The following USP54 variants were observed in gnomAD, a reference collection of about 807,000 sequenced individuals.
USP54 encodes ubiquitin carboxyl-terminal hydrolase 54.
In USP54, 87 loss-of-function variants were observed where a neutral mutation model predicts 170.5. The ratio of observed to expected loss-of-function variants is 0.51; its 90% CI spans 0.43 to 0.61. The LOEUF is 0.61. USP54 is among the 20% of genes least tolerant of loss of function. USP54 has a pLI of 0.00. For missense variants in USP54, 1,786 were observed against 2,047.8 expected, an observed-to-expected ratio of 0.87 and a Z score of 2.47; for synonymous variants, 655 against 742.8, an observed-to-expected ratio of 0.88 and a Z score of 1.92.
chr10:73,507,681 A>AG, intron 20 of USP54, among the ~76,000 whole-genome samples: 1 of 149,838 alleles, frequency 6.7e-6, no homozygotes, highest in East Asian at 1.9e-4. Context: ...AAAAAAAAAA[A>AG]AAAAAAAAAA....
At position 73,530,729 on chromosome 10, in the gene USP54, G is replaced by C; in HGVS notation, c.1422C>G (p.Pro474=). 2.5e-6 allele frequency: 4 copies of C among 1,614,140 alleles called. No homozygotes were observed. The highest frequency in any genetic ancestry group is 2.5e-6 in the Non-Finnish European group (3 of 1,180,020). Reference sequence around the variant, plus strand: ...CTTCACTGTGGTATCCCGAGGCCTGGGGCTCATCGCCTTTCCTCCTAACCC... The same window carrying C: ...CTTCACTGTGGTATCCCGAGGCCTGCGGCTCATCGCCTTTCCTCCTAACCC... ...SGRVRRKGDE[P]QASGYHSEGE... The change falls in exon 13 of 24, where the codon CCC becomes CCG. Residue 474 remains proline (P), a synonymous_variant. Coordinates refer to ENST00000687698, the MANE Select transcript of USP54 (RefSeq NM_001391956.1).
Position 73,519,925 on chromosome 10 carries a change from C to T in USP54, c.2550G>A (p.Lys850=), listed in dbSNP as rs2061646789. ...STHSRALVDK[K]LQISIRKARS... ...GTGCTTTTCGAATACTGATTTGCAA[C>T]TTCTTATCGACTAGGGCTCTGCTGT... Residue 850 remains lysine (K), a synonymous_variant, in exon 19 of 24, where the codon AAG becomes AAA. Transcript: ENST00000687698. 3 of 1,613,888 alleles carry T rather than the reference C, an allele frequency of 1.9e-6. No homozygotes were observed. The highest frequency in any genetic ancestry group is 2.5e-6 in the Non-Finnish European group (3 of 1,179,960).
intron 4 of USP54, among the ~76,000 whole-genome samples, chr10:73,554,008 A>G (rs1214925436): frequency 6.6e-6 from 1 of 152,314 alleles, no homozygotes; most frequent in East Asian, 1.9e-4. Context: ...TGCCATAAAA[A>G]CAGAAAGTCT....
At chr10:73,563,741 A>C (rs548161219) in intron 4 of USP54, among the ~76,000 whole-genome samples, 1 of 151,994 alleles carries the variant, frequency 6.6e-6, no homozygotes, top group South Asian at 2.1e-4. Context: ...CCAGCCTTTT[A>C]TTTATTTTTT....
At chr10:73,595,897 G>T (rs1344257312), upstream of USP54, among the ~76,000 whole-genome samples, 2 of 151,954 alleles carry the variant, frequency 1.3e-5, no homozygotes, top group African/African-American at 2.4e-5. Context: ...ATCTCTTGAG[G>T]TTAGGATTTT....
intron 1 of USP54, among the ~76,000 whole-genome samples, chr10:73,584,121 G>A (rs2077201091): frequency 1.3e-5 from 2 of 152,214 alleles, no homozygotes; most frequent in African/African-American, 4.8e-5. Context: ...CGGGCACAGT[G>A]GCTCACGCCT....
chr10:73,521,322 G>A (rs779321643), intron 17 of USP54, among the ~76,000 whole-genome samples: 2 of 152,124 alleles, frequency 1.3e-5, no homozygotes, highest in African/African-American at 4.8e-5. Flanking sequence ...ATCGGTTAGC[G>A]CGCGGTACTT....
intron 20 of USP54, 99 bp downstream of exon 20, chr10:73,516,276 G>T: frequency 7.8e-7 from 1 of 1,288,560 alleles, no homozygotes; most frequent in Non-Finnish European, 1.1e-6. Flanking sequence ...TACTAAGCTG[G>T]GGATAGTATC....
At position 73,571,103 on chromosome 10, in the gene USP54, A is replaced by G. The variant is rs1227472958; in HGVS notation, c.240+318T>C. 3.6e-5 allele frequency among the ~76,000 whole-genome samples: 5 copies of G among 140,214 alleles called. No individual in the cohort carries two copies. The Admixed American group carries it at 4.0e-4, about 11-fold the overall frequency. The allele number at this position is 140,214 out of a possible 152,430, so 92.0% of individuals were successfully genotyped here. On this transcript the variant is annotated intron_variant, in intron 4 of 23. Transcript: ENST00000687698. Reference sequence around the variant, plus strand: ...CAGTGAGCTGAGGTCGCACCAGTGCACTCCAGACTGGGTGACAGAGTGAGA... The same window carrying G: ...CAGTGAGCTGAGGTCGCACCAGTGCGCTCCAGACTGGGTGACAGAGTGAGA...
chr10:73,500,906 AAC>A (rs1278563956), intron 22 of USP54, 68 bp from the exon 23 acceptor site: 1 of 1,512,864 alleles, frequency 6.6e-7, no homozygotes, highest in Non-Finnish European at 8.8e-7. Context: ...TAGTTGGGTA[AAC>A]ACAGTGAGGC....
chr10:73,541,655 A>AT lies in USP54; in HGVS notation c.655dup (p.Met219AsnfsTer54). 1 of 1,614,062 alleles carries AT rather than the reference A, an allele frequency of 6.2e-7. No individual in the cohort carries two copies. The highest frequency in any genetic ancestry group is 2.2e-5 in the East Asian group (1 of 44,868). ...CACTGGACAGTTCCGCAGATCCCCC[A>AT]TGGTGCTGGCATTCTGCAGCAGCTC... On this transcript the variant is annotated frameshift_variant, in exon 8 of 24. Coordinates refer to ENST00000687698, the MANE Select transcript of USP54 (RefSeq NM_001391956.1). LOFTEE classifies it high-confidence loss of function.
intron 20 of USP54, among the ~76,000 whole-genome samples, chr10:73,509,295 T>A (rs113629803): frequency 0.047 from 7,056 of 151,694 alleles, 501 homozygotes; most frequent in African/African-American, 0.15. Context: ...ATAATATTAT[T>A]GGTTTGTCTT....
intron 22 of USP54, chr10:73,504,596 A>C: frequency 1.9e-6 from 1 of 518,230 alleles, no homozygotes; most frequent in Non-Finnish European, 3.5e-6. Flanking sequence ...TCAAGGCTTT[A>C]TGACTCTTCT....
chr10:73,534,526 C>T (rs2064825048), intron 12 of USP54, 74 bp downstream of exon 12: 4 of 1,541,030 alleles, frequency 2.6e-6, no homozygotes, highest in East Asian at 2.3e-5. Context: ...CGCCTGGCCT[C>T]ACAGTTTCTT....
intron 1 of USP54, among the ~76,000 whole-genome samples, chr10:73,583,601 T>C (rs1363456508): frequency 6.6e-6 from 1 of 152,124 alleles, no homozygotes; most frequent in Non-Finnish European, 1.5e-5. Flanking sequence ...AAATTTTTTT[T>C]AATTAGCCAG....
At chr10:73,550,983 T>C (rs918375672) in intron 4 of USP54, among the ~76,000 whole-genome samples, 6 of 152,136 alleles carry the variant, frequency 3.9e-5, no homozygotes, top group African/African-American at 7.2e-5. Flanking sequence ...CAGGTGCCCA[T>C]AGTCCCAGCT....
intron 21 of USP54, 64 bp from the exon 22 acceptor site, chr10:73,505,054 A>G: frequency 6.2e-7 from 1 of 1,604,454 alleles, no homozygotes; most frequent in Non-Finnish European, 8.5e-7. Context: ...TCCCACAGAC[A>G]GTATCCTCAG....
At chr10:73,615,905 CAAAAAAAAA>C (rs1170081483) in intron 1 of USP54, among the ~76,000 whole-genome samples, 2 of 40,206 alleles carry the variant, frequency 5.0e-5, no homozygotes, top group Admixed American at 2.7e-4. Context: ...AGATCAGTCT[CAAAAAAAAA>C]AAAAAAAAAA....
At chr10:73,559,119 C>T (rs146188904) in intron 4 of USP54, among the ~76,000 whole-genome samples, 37 of 152,208 alleles carry the variant, frequency 2.4e-4, no homozygotes, top group African/African-American at 8.2e-4. Context: ...AAAAACAAAA[C>T]TACAAAACAA....
Sources: gnomAD v4.1 joint callset for allele counts (sites outside exome capture counted in the v4.1 genomes callset) on GRCh38, gnomAD v4.1.1 for gene constraint, MANE v1.5 for transcripts, NCBI Gene and HGNC (gene_info 2026-07-23, HGNC 2026-07-21) for gene names.